Variants in CNTNAP2 observed in about 807,000 individuals in gnomAD.
CNTNAP2 encodes the protein contactin associated protein 2.
CNTNAP2 carries 98 observed loss-of-function variants against 155.2 expected under a neutral mutation model. That is an observed-to-expected ratio of 0.63 (90% CI 0.54 to 0.75). The LOEUF (loss-of-function observed/expected upper bound fraction) is 0.75. Among genes scored for constraint, CNTNAP2 ranks in the 30% least tolerant of loss-of-function variants. The probability of loss-of-function intolerance (pLI) is 0.00; values close to 1 mark genes in which losing one functional copy is unlikely to be tolerated. For missense variants in CNTNAP2, 1,727 were observed against 1,688.1 expected, an observed-to-expected ratio of 1.02 and a Z score of -0.40; for synonymous variants, 651 against 631.2, an observed-to-expected ratio of 1.03 and a Z score of -0.47.
chr7:147,128,740 T>C lies in CNTNAP2; in HGVS notation c.987T>C (p.Ser329=), dbSNP rs764241663. 6.2e-7 allele frequency: 1 copy of C among 1,614,050 alleles called. No homozygotes were observed. The highest frequency in any genetic ancestry group is 8.5e-7 in the Non-Finnish European group (1 of 1,179,966). Residue 329 remains serine (S), a synonymous_variant, in exon 7 of 24, where the codon AGT becomes AGC. Coordinates refer to ENST00000361727, the MANE Select transcript of CNTNAP2 (RefSeq NM_014141.6). ...IPFSGKPSSS[S]RKNFKGCMES... ...TCTCTGGCAAGCCCAGCTCCAGCAG[T>C]AGAAAGAATTTCAAAGGCTGCATGG...
intron 1 of CNTNAP2, among the ~76,000 whole-genome samples, chr7:146,241,837 C>T (rs1362672906): frequency 7.1e-6 from 1 of 140,306 alleles, no homozygotes; most frequent in Non-Finnish European, 1.5e-5. Context: ...CACACACACA[C>T]AAACACACAC....
At chr7:147,226,760 T>A (rs1803554814) in intron 8 of CNTNAP2, among the ~76,000 whole-genome samples, 1 of 152,208 alleles carries the variant, frequency 6.6e-6, no homozygotes, top group Non-Finnish European at 1.5e-5. Flanking sequence ...CAGCAAGAAA[T>A]TAGCCTTCCG....
rs574466697 is a variant in CNTNAP2 at position 147,201,073 on chromosome 7, G to A, written c.1348+68564G>A. On this transcript the variant is annotated intron_variant, in intron 8 of 23. Coordinates refer to ENST00000361727, the MANE Select transcript of CNTNAP2 (RefSeq NM_014141.6). ...ACAGGGATGTTTACATTCAGTGGAG[G>A]CTAAAGCCTAATTCTAACATGATTT... Among the ~76,000 whole-genome samples the A allele has an allele frequency of 5.9e-4, 90 of 152,292 alleles. 1 individual carries two copies. The South Asian group carries it at 0.013, about 21-fold the overall frequency.
At chr7:148,076,952 TCAGA>T (rs1445885855) in intron 15 of CNTNAP2, among the ~76,000 whole-genome samples, 2 of 152,146 alleles carry the variant, frequency 1.3e-5, no homozygotes, top group East Asian at 3.9e-4. Context: ...GTAGACTGGA[TCAGA>T]CAGAGCAATC....
At chr7:148,081,420 A>G (rs750022848) in intron 15 of CNTNAP2, among the ~76,000 whole-genome samples, 8 of 152,020 alleles carry the variant, frequency 5.3e-5, no homozygotes, top group Non-Finnish European at 1.0e-4. Context: ...GGCACCATCT[A>G]ATCGGCTGCC....
intron 13 of CNTNAP2, among the ~76,000 whole-genome samples, chr7:147,731,988 C>T (rs905348550): frequency 3.9e-5 from 6 of 152,030 alleles, no homozygotes; most frequent in Non-Finnish European, 7.4e-5. Flanking sequence ...CATGATAAAA[C>T]TTTAATGGAT....
chr7:146,259,626 C>T (rs1248247942), intron 1 of CNTNAP2, among the ~76,000 whole-genome samples: 2 of 152,070 alleles, frequency 1.3e-5, no homozygotes, highest in Non-Finnish European at 2.9e-5. Flanking sequence ...TTTAGGGTAT[C>T]TGGTGGAAGA....
intron 3 of CNTNAP2, among the ~76,000 whole-genome samples, chr7:146,906,999 A>G (rs1478805321): frequency 6.7e-6 from 1 of 150,158 alleles, no homozygotes; most frequent in African/African-American, 2.5e-5. Context: ...GAACTACGTG[A>G]AGAATGCAGA....
At chr7:146,941,201 T>C (rs1355646880) in intron 3 of CNTNAP2, among the ~76,000 whole-genome samples, 1 of 152,170 alleles carries the variant, frequency 6.6e-6, no homozygotes, top group Non-Finnish European at 1.5e-5. Flanking sequence ...TCTTACTGTC[T>C]TCTTTGTGGT....
chr7:147,057,110 T>G (rs1799577139), intron 4 of CNTNAP2, among the ~76,000 whole-genome samples: 1 of 152,152 alleles, frequency 6.6e-6, no homozygotes, highest in Non-Finnish European at 1.5e-5. Flanking sequence ...AAGATGATCC[T>G]TTTCAACAGC....
chr7:146,934,508 T>G (rs1796868248), intron 3 of CNTNAP2, among the ~76,000 whole-genome samples: 2 of 150,548 alleles, frequency 1.3e-5, no homozygotes, highest in Admixed American at 6.6e-5. Context: ...AAATGACGAG[T>G]TAATGGGTGC....
intron 9 of CNTNAP2, among the ~76,000 whole-genome samples, chr7:147,374,736 G>C (rs539514965): frequency 8.6e-5 from 13 of 152,004 alleles, no homozygotes; most frequent in African/African-American, 3.1e-4. Context: ...TAGGAAAAGA[G>C]GAATTTCCCT....
At chr7:147,619,426 C>T (rs1417329868) in intron 12 of CNTNAP2, among the ~76,000 whole-genome samples, 1 of 152,216 alleles carries the variant, frequency 6.6e-6, no homozygotes, top group Non-Finnish European at 1.5e-5. Flanking sequence ...CCATTTGTCA[C>T]TTAAGATTTA....
intron 14 of CNTNAP2, among the ~76,000 whole-genome samples, chr7:147,933,854 C>G (rs897511624): frequency 6.6e-6 from 1 of 152,066 alleles, no homozygotes; most frequent in Non-Finnish European, 1.5e-5. Context: ...CAGAGTGAGA[C>G]TCTATCTCAA....
In CNTNAP2 at chr7:146,921,344, A is replaced by G. The variant is rs1458235738; in HGVS notation, c.402+81440A>G. 3.3e-5 allele frequency among the ~76,000 whole-genome samples: 5 copies of G among 152,338 alleles called. No individual in the cohort carries two copies. In the East Asian group the frequency reaches 9.6e-4, roughly 29 times the overall value. ...CTGAGAACAGGATATATGACTTGAGATGCGAATGATGAATCCCAGGCAGAT... is the reference window on the plus strand; with the variant it reads ...CTGAGAACAGGATATATGACTTGAGGTGCGAATGATGAATCCCAGGCAGAT... On this transcript the variant is annotated intron_variant, in intron 3 of 23. Coordinates refer to ENST00000361727, the MANE Select transcript of CNTNAP2 (RefSeq NM_014141.6).
intron 4 of CNTNAP2, among the ~76,000 whole-genome samples, chr7:147,093,168 G>A (rs1361890642): frequency 6.7e-6 from 1 of 149,730 alleles, no homozygotes; most frequent in East Asian, 2.0e-4. Context: ...GTGAACTCGG[G>A]AGGCGGAGCT....
At chr7:148,056,670 T>C (rs1287321858) in intron 15 of CNTNAP2, 1 of 152,188 alleles carries the variant, frequency 6.6e-6, no homozygotes, top group Non-Finnish European at 1.5e-5. Context: ...GCAACATTGA[T>C]GGGGTAAGTT....
intron 11 of CNTNAP2, among the ~76,000 whole-genome samples, chr7:147,488,582 A>C (rs1300426847): frequency 6.6e-6 from 1 of 152,210 alleles, no homozygotes; most frequent in Non-Finnish European, 1.5e-5. Flanking sequence ...TAAGAGCTAA[A>C]GTTTAATATA....
chr7:147,709,378 C>T (rs531923496), intron 13 of CNTNAP2, among the ~76,000 whole-genome samples: 46 of 152,306 alleles, frequency 3.0e-4, no homozygotes, highest in African/African-American at 1.1e-3. Context: ...AATCCTAACT[C>T]CATCTCAGCA....
Sources: allele counts gnomAD v4.1 joint callset (sites outside exome capture counted in the v4.1 genomes callset), GRCh38; gene constraint gnomAD v4.1.1; transcripts MANE v1.5; gene names NCBI Gene and HGNC (gene_info 2026-07-23, HGNC 2026-07-21).